The following ERBB4 variants were observed in gnomAD, a reference collection of about 807,000 sequenced individuals.
ERBB4 encodes the protein erb-b2 receptor tyrosine kinase 4.
In ERBB4, 42 loss-of-function variants were observed where a neutral mutation model predicts 158.0. The observed-to-expected ratio is 0.27, with a 90% CI of 0.21 to 0.34. The LOEUF is 0.34. Ranked by LOEUF, ERBB4 falls within the 10% of genes least tolerant of loss-of-function variation. ERBB4 has a pLI of 1.00. For missense variants in ERBB4, 1,333 were observed against 1,624.1 expected (o/e 0.82, Z 3.08); for synonymous variants, 583 against 558.7 (o/e 1.04, Z -0.61).
At chr2:211,772,592 C>G (rs1025912827) in intron 4 of ERBB4, among the ~76,000 whole-genome samples, 2 of 151,270 alleles carry the variant, frequency 1.3e-5, no homozygotes, top group African/African-American at 4.9e-5. Context: ...TTTTGGGCCT[C>G]TCTCTCTCCA....
At chr2:212,005,937 A>T (rs2076248795) in intron 2 of ERBB4, among the ~76,000 whole-genome samples, 1 of 152,148 alleles carries the variant, frequency 6.6e-6, no homozygotes, top group African/African-American at 2.4e-5. Context: ...AAATAAATAC[A>T]TAAATAACAC....
intron 3 of ERBB4, among the ~76,000 whole-genome samples, chr2:211,861,124 T>TTATATATATATATATATA (rs143515103): frequency 2.5e-4 from 5 of 20,252 alleles, no homozygotes; most frequent in African/African-American, 1.1e-3. Flanking sequence ...TATATATATT[T>TTATATATATATATATATA]TATATATATA....
intron 1 of ERBB4, among the ~76,000 whole-genome samples, chr2:212,255,395 C>T (rs1176465519): frequency 6.6e-6 from 1 of 152,080 alleles, no homozygotes; most frequent in African/African-American, 2.4e-5. Flanking sequence ...TAATATTATA[C>T]TACAAGGGCA....
intron 5 of ERBB4, among the ~76,000 whole-genome samples, chr2:211,728,630 A>G (rs1458764616): frequency 1.3e-5 from 2 of 151,896 alleles, no homozygotes; most frequent in Non-Finnish European, 3.0e-5. Context: ...TGTTAAATAA[A>G]TAAATAACTA....
At chr2:211,605,661 T>C (rs1225272180) in intron 19 of ERBB4, among the ~76,000 whole-genome samples, 1 of 152,154 alleles carries the variant, frequency 6.6e-6, no homozygotes, top group Non-Finnish European at 1.5e-5. Context: ...TTATATCACA[T>C]GTAATTTAAC....
At chr2:211,413,077 C>G (rs964777049) in intron 25 of ERBB4, among the ~76,000 whole-genome samples, 1 of 151,856 alleles carries the variant, frequency 6.6e-6, no homozygotes, top group Admixed American at 6.6e-5. Context: ...GGGAGGATTG[C>G]TTGAGGCCAG....
intron 3 of ERBB4, among the ~76,000 whole-genome samples, chr2:211,870,330 C>T (rs2078312725): frequency 6.6e-6 from 1 of 152,114 alleles, no homozygotes. Flanking sequence ...AATGTCTTTA[C>T]ATTTTCAATT....
At chr2:212,023,239 T>C (rs2076696089) in intron 2 of ERBB4, among the ~76,000 whole-genome samples, 1 of 152,138 alleles carries the variant, frequency 6.6e-6, no homozygotes, top group African/African-American at 2.4e-5. Context: ...TTCTAAACTT[T>C]GAAATTACTT....
intron 20 of ERBB4, among the ~76,000 whole-genome samples, chr2:211,436,021 A>C (rs892631245): frequency 1.3e-5 from 2 of 151,872 alleles, no homozygotes; most frequent in African/African-American, 4.8e-5. Context: ...CAGTGGCATG[A>C]TCAGGGCTCA....
intron 3 of ERBB4, among the ~76,000 whole-genome samples, chr2:211,872,856 T>C (rs2078387150): frequency 2.0e-5 from 3 of 151,292 alleles, no homozygotes. Flanking sequence ...CTTTATTGGT[T>C]TTACTGATAA....
chr2:211,581,761 C>T (rs1195048969), intron 19 of ERBB4, among the ~76,000 whole-genome samples: 2 of 152,080 alleles, frequency 1.3e-5, no homozygotes, highest in Admixed American at 6.6e-5. Flanking sequence ...CCTGTATTCC[C>T]AGCACTTTGG....
At chr2:211,605,611 C>T (rs975435686) in intron 19 of ERBB4, among the ~76,000 whole-genome samples, 6 of 152,032 alleles carry the variant, frequency 3.9e-5, no homozygotes, top group African/African-American at 1.2e-4. Context: ...ACTCAAAAGA[C>T]AGTAAATAAA....
At chr2:212,287,958 G>A (rs921086524) in intron 1 of ERBB4, among the ~76,000 whole-genome samples, 1 of 152,062 alleles carries the variant, frequency 6.6e-6, no homozygotes, top group African/African-American at 2.4e-5. Flanking sequence ...ATGGGCACGA[G>A]GCTTAATACC....
At chr2:211,576,717 A>G (rs1368456573) in intron 19 of ERBB4, among the ~76,000 whole-genome samples, 1 of 152,128 alleles carries the variant, frequency 6.6e-6, no homozygotes, top group Non-Finnish European at 1.5e-5. Flanking sequence ...AATTTAGTAT[A>G]AAAATTATAA....
chr2:212,003,212 A>AGAAGGAAGGAAGGAAGGAAG (rs201981636), intron 2 of ERBB4, among the ~76,000 whole-genome samples: 2 of 40,484 alleles, frequency 4.9e-5, no homozygotes, highest in African/African-American at 1.3e-4. Flanking sequence ...AAAGACAGAA[A>AGAAGGAAGGAAGGAAGGAAG]GAAGGAAGGA....
chr2:211,914,384 A>G (rs982356168), intron 3 of ERBB4, among the ~76,000 whole-genome samples: 2 of 152,138 alleles, frequency 1.3e-5, no homozygotes, highest in Non-Finnish European at 2.9e-5. Flanking sequence ...GTAAGTTTCA[A>G]TCTATTGATT....
chr2:211,693,962 C>G (rs1187603224), intron 12 of ERBB4, among the ~76,000 whole-genome samples: 1 of 152,116 alleles, frequency 6.6e-6, no homozygotes, highest in Non-Finnish European at 1.5e-5. Context: ...GCTGTCTTTC[C>G]TCTGAGTGGG....
Position 212,112,808 on chromosome 2 carries a change from G to A in ERBB4, c.234+11944C>T, listed in dbSNP as rs1012443496. 3.9e-5 allele frequency among the ~76,000 whole-genome samples: 6 copies of A among 152,220 alleles called. No homozygotes were observed. In the East Asian group the frequency reaches 9.6e-4, roughly 24 times the overall value. On this transcript the variant is annotated intron_variant, in intron 2 of 27. Transcript: ENST00000342788. ...GTGTTAGTCCATGCCAACATGAAAC[G>A]TGAGTCTAAGGAAGCTTATAAATAC...
In ERBB4 at chr2:211,562,802, C is replaced by T. The variant is rs111508926; in HGVS notation, c.2302-714G>A. Among the ~76,000 whole-genome samples, 375 of 118,050 alleles carry T rather than the reference C, an allele frequency of 3.2e-3. 8 individuals carry two copies. The highest frequency in any genetic ancestry group is 0.018 in the East Asian group (85 of 4,782). The allele number at this position is 118,050 out of a possible 152,430, so 77.4% of individuals were successfully genotyped here. On this transcript the variant is annotated intron_variant, in intron 19 of 27. Coordinates refer to ENST00000342788, the MANE Select transcript of ERBB4 (RefSeq NM_005235.3). ...TTTTTTTTTTTTTGAGACGGAGTCTCGCTCTGTCGCCCAGGCTGGAGTGCA... is the reference window on the plus strand; with the variant it reads ...TTTTTTTTTTTTTGAGACGGAGTCTTGCTCTGTCGCCCAGGCTGGAGTGCA...
Sources: allele counts gnomAD v4.1 joint callset (sites outside exome capture counted in the v4.1 genomes callset), GRCh38; gene constraint gnomAD v4.1.1; transcripts MANE v1.5; gene names NCBI Gene and HGNC (gene_info 2026-07-23, HGNC 2026-07-21).